The following PTGFRN variants were observed in gnomAD, a reference collection of about 807,000 sequenced individuals.
PTGFRN encodes prostaglandin F2 receptor negative regulator.
In PTGFRN, 35 loss-of-function variants were observed where a neutral mutation model predicts 83.2. The observed-to-expected ratio is 0.42, with a 90% confidence interval of 0.32 to 0.56. PTGFRN has a LOEUF of 0.56. PTGFRN is among the 20% of genes least tolerant of loss of function. PTGFRN has a pLI of 0.11. For synonymous variants in PTGFRN, 519 were observed against 498.6 expected (o/e 1.04, Z -0.55); for missense variants, 1,051 against 1,179.5 (o/e 0.89, Z 1.60).
chr1:116,933,734 TC>T (rs1649854347), intron 1 of PTGFRN, among the ~76,000 whole-genome samples: 1 of 152,238 alleles, frequency 6.6e-6, no homozygotes, highest in South Asian at 2.1e-4. Context: ...TTACTTCCTT[TC>T]ATCACTTTAA....
chr1:116,972,987 G>A (rs1458628182), intron 6 of PTGFRN, among the ~76,000 whole-genome samples: 1 of 151,944 alleles, frequency 6.6e-6, no homozygotes, highest in Non-Finnish European at 1.5e-5. Context: ...ACAGTGGCAC[G>A]ATCTTGACTC....
At chr1:116,969,921 TG>T (rs975986441) in intron 6 of PTGFRN, among the ~76,000 whole-genome samples, 26 of 152,194 alleles carry the variant, frequency 1.7e-4, no homozygotes, top group African/African-American at 5.8e-4. Context: ...GAAGTACAAC[TG>T]GGTTTTGTAT....
rs1651604046 is a variant in PTGFRN at position 116,988,794 on chromosome 1, C to CA, written c.*1828dup. 6.5e-6 allele frequency: 1 copy of CA among 152,700 alleles called. No homozygotes were observed. 9.5% of individuals were successfully genotyped at this position (152,700 alleles called of 1,614,324 possible). On this transcript the variant is annotated 3_prime_UTR_variant, in exon 9 of 9. Transcript: ENST00000393203. ...GTAGAAACATTAGATTCTGCATTGA[C>CA]AGTAGCCTTTCCTTGGCCCGGGCCT...
rs1258244351 is a variant in PTGFRN at position 116,974,290 on chromosome 1, A to G, written c.2134A>G (p.Ile712Val). 5.6e-6 allele frequency: 9 copies of G among 1,612,700 alleles called. No homozygotes were observed. Among genetic ancestry groups the G allele is most frequent in the African/African-American group, 1.3e-5 (1 of 74,898 alleles). Residue 712 changes from isoleucine to valine, a missense_variant, in exon 7 of 9, where the codon ATC becomes GTC. By Grantham distance (29) the Ile-to-Val change is conservative. Around this residue, in one of 3 missense-constraint regions of PTGFRN, gnomAD observed 719 missense variants for 836.6 expected, o/e 0.86. Transcript: ENST00000393203. ...GGGAGATCTGATCAAATTGTTCTGT[A>G]TCATCACTGTCGAGGGAGCAGCACT... is the stretch of plus-strand genomic sequence containing the variant. ...IRGDLIKLFC[I>V]ITVEGAALDP...
chr1:116,916,128 G>C (rs1319421281), intron 1 of PTGFRN, among the ~76,000 whole-genome samples: 3 of 152,146 alleles, frequency 2.0e-5, no homozygotes, highest in African/African-American at 7.2e-5. Flanking sequence ...ACAATACTCT[G>C]TATTGTGTCA....
intron 1 of PTGFRN, among the ~76,000 whole-genome samples, chr1:116,925,321 G>A (rs888111247): frequency 2.1e-4 from 32 of 152,008 alleles, no homozygotes; most frequent in South Asian, 2.1e-4. Context: ...CTAGCTACTC[G>A]GAGGTTGAGG....
chr1:116,979,944 A>G (rs552217968), intron 7 of PTGFRN, among the ~76,000 whole-genome samples: 1 of 152,294 alleles, frequency 6.6e-6, no homozygotes, highest in East Asian at 1.9e-4. Context: ...AACCTACAGA[A>G]TGGGAGAAAA....
At position 116,919,181 on chromosome 1, in the gene PTGFRN, C is replaced by T. The variant is rs1157406950; in HGVS notation, c.49+8929C>T. ...TTTGGCTGGTTGAGCTAATATCTGA[C>T]TGGGTTGGGCCTGAATGGATTAGGA... On this transcript the variant is annotated intron_variant, in intron 1 of 8. Transcript: ENST00000393203. Among the ~76,000 whole-genome samples the T allele has an allele frequency of 2.6e-5, 4 of 152,122 alleles. No individual in the cohort carries two copies. In the East Asian group the frequency reaches 7.7e-4, roughly 29 times the overall value.
intron 1 of PTGFRN, among the ~76,000 whole-genome samples, chr1:116,933,639 C>G (rs1649852716): frequency 6.6e-6 from 1 of 152,036 alleles, no homozygotes; most frequent in South Asian, 2.1e-4. Context: ...TTCTTTTTCC[C>G]TTGTTGAGAA....
chr1:116,926,232 C>G (rs577711029), intron 1 of PTGFRN, among the ~76,000 whole-genome samples: 3 of 152,280 alleles, frequency 2.0e-5, no homozygotes, highest in African/African-American at 4.8e-5. Context: ...TGCTCATATG[C>G]AAGTTTAAAC....
At chr1:116,914,134 C>A (rs1306017623) in intron 1 of PTGFRN, among the ~76,000 whole-genome samples, 2 of 152,230 alleles carry the variant, frequency 1.3e-5, no homozygotes, top group African/African-American at 4.8e-5. Flanking sequence ...TTTACACAGT[C>A]ATTCTGGCTC....
chr1:116,935,299 A>G (rs1263776266), intron 1 of PTGFRN, among the ~76,000 whole-genome samples: 1 of 152,018 alleles, frequency 6.6e-6, no homozygotes, highest in Non-Finnish European at 1.5e-5. Flanking sequence ...ACTTACTTCT[A>G]CTTGCTTTCT....
Position 116,948,649 on chromosome 1 carries a change from AG to A in PTGFRN, c.833-542del, listed in dbSNP as rs139708112. ...TAGCCCCCAGCTAACAATATGTACCAGTCAGAAGCAAGTCTTCCTTTTCTGT... is the reference window on the plus strand; with the variant it reads ...TAGCCCCCAGCTAACAATATGTACCATCAGAAGCAAGTCTTCCTTTTCTGT... On this transcript the variant is annotated intron_variant, in intron 3 of 8. Coordinates refer to ENST00000393203, the MANE Select transcript of PTGFRN (RefSeq NM_020440.4). Among the ~76,000 whole-genome samples, 561 of 152,334 alleles carry A rather than the reference AG, an allele frequency of 3.7e-3. 3 individuals are homozygous for A. The highest frequency in any genetic ancestry group is 0.013 in the African/African-American group (538 of 41,562).
chr1:116,933,470 T>C (rs1649848638), intron 1 of PTGFRN, among the ~76,000 whole-genome samples: 1 of 152,236 alleles, frequency 6.6e-6, no homozygotes, highest in African/African-American at 2.4e-5. Context: ...CCAGAAGACA[T>C]TACTAATATT....
intron 1 of PTGFRN, among the ~76,000 whole-genome samples, chr1:116,936,770 T>C (rs1438323395): frequency 6.6e-6 from 1 of 152,154 alleles, no homozygotes; most frequent in African/African-American, 2.4e-5. Flanking sequence ...TCATGAGTGG[T>C]CTTGTATGTC....
chr1:116,925,757 A>G (rs930158004), intron 1 of PTGFRN, among the ~76,000 whole-genome samples: 3 of 152,152 alleles, frequency 2.0e-5, no homozygotes, highest in African/African-American at 7.2e-5. Context: ...CTATAAGTCA[A>G]CATACTGTTT....
At chr1:116,928,422 C>T (rs977478738) in intron 1 of PTGFRN, among the ~76,000 whole-genome samples, 5 of 152,156 alleles carry the variant, frequency 3.3e-5, no homozygotes, top group African/African-American at 1.2e-4. Flanking sequence ...GCTCTGAATC[C>T]AGGGTAGACT....
chr1:116,913,462 G>A (rs1023454370), intron 1 of PTGFRN, among the ~76,000 whole-genome samples: 3 of 151,942 alleles, frequency 2.0e-5, no homozygotes, highest in Non-Finnish European at 4.4e-5. Flanking sequence ...TAATGGGGGA[G>A]GAAAGGTGGG....
At position 116,978,408 on chromosome 1, in the gene PTGFRN, A is replaced by G. The variant is rs563501700; in HGVS notation, c.2167+4085A>G. ...TCATCCTGATACCAAAGCCTGGCAG[A>G]GACACAACAAAAAAAGAGAATTTTA... On this transcript the variant is annotated intron_variant, in intron 7 of 8. Transcript: ENST00000393203. 2.6e-5 allele frequency among the ~76,000 whole-genome samples: 4 copies of G among 152,308 alleles called. No homozygotes were observed. In the East Asian group the frequency reaches 7.7e-4, roughly 29 times the overall value.
Sources: allele counts gnomAD v4.1 joint callset (sites outside exome capture counted in the v4.1 genomes callset), GRCh38; gene constraint gnomAD v4.1.1; regional missense constraint gnomAD v4.1.1; transcripts MANE v1.5; gene names NCBI Gene and HGNC (gene_info 2026-07-23, HGNC 2026-07-21).